Variants in GBE1 observed in about 807,000 individuals in gnomAD.
GBE1 encodes 1,4-alpha-glucan-branching enzyme.
Under a neutral mutation model 88.8 loss-of-function variants are expected in GBE1, and 70 were observed. That is an observed-to-expected ratio of 0.79 (90% CI 0.65 to 0.96). The LOEUF is 0.96. GBE1 is among the 40% of genes least tolerant of loss of function. The pLI is 0.00. For synonymous variants in GBE1, 284 were observed against 300.1 expected, an observed-to-expected ratio of 0.95 and a Z score of 0.56; for missense variants, 872 against 871.0, an observed-to-expected ratio of 1.00 and a Z score of -0.01.
At chr3:81,657,295 A>G (rs1704955651) in intron 3 of GBE1, among the ~76,000 whole-genome samples, 1 of 152,170 alleles carries the variant, frequency 6.6e-6, no homozygotes, top group South Asian at 2.1e-4. Context: ...GGAAAAGCAA[A>G]GGGAATATTT....
chr3:81,635,187 C>G (rs1049531047), intron 7 of GBE1, among the ~76,000 whole-genome samples: 1 of 152,124 alleles, frequency 6.6e-6, no homozygotes, highest in Admixed American at 6.5e-5. Flanking sequence ...CTTGGGGAGA[C>G]AGTTAAACCT....
chr3:81,676,226 G>A (rs549645755), intron 2 of GBE1, among the ~76,000 whole-genome samples: 72 of 152,182 alleles, frequency 4.7e-4, no homozygotes, highest in Non-Finnish European at 6.5e-4. Context: ...TATGTGGGGA[G>A]TAGGCACGCC....
chr3:81,654,920 C>T lies in GBE1; in HGVS notation c.430-4999G>A, dbSNP rs1436279211. The T allele has an allele frequency of 2.6e-5, 4 of 151,922 alleles. No homozygotes were observed. The East Asian group carries it at 5.8e-4, about 22-fold the overall frequency. 9.4% of individuals were successfully genotyped at this position (151,922 alleles called of 1,614,324 possible). ...ACAACATGTATATTTTTTGTTTCTACCAATCAGATGAGATGATGGCCACAG... is the reference window on the plus strand; with the variant it reads ...ACAACATGTATATTTTTTGTTTCTATCAATCAGATGAGATGATGGCCACAG... On this transcript the variant is annotated intron_variant, in intron 3 of 15. Coordinates refer to ENST00000429644, the MANE Select transcript of GBE1 (RefSeq NM_000158.4).
At chr3:81,760,471 A>G (rs1706663907) in intron 1 of GBE1, among the ~76,000 whole-genome samples, 1 of 152,212 alleles carries the variant, frequency 6.6e-6, no homozygotes, top group African/African-American at 2.4e-5. Flanking sequence ...TGTTGCCAGG[A>G]TAGTTTCCAT....
At chr3:81,493,042 T>C (rs1702457553) in intron 15 of GBE1, among the ~76,000 whole-genome samples, 2 of 152,288 alleles carry the variant, frequency 1.3e-5, no homozygotes, top group East Asian at 3.9e-4. Flanking sequence ...AGTCATAGTC[T>C]ACATATTTCA....
chr3:81,731,840 C>G (rs568611725), intron 1 of GBE1, among the ~76,000 whole-genome samples: 79 of 152,164 alleles, frequency 5.2e-4, no homozygotes, highest in African/African-American at 1.8e-3. Flanking sequence ...AACCATGAGC[C>G]AATTAAACTT....
chr3:81,612,579 T>C, intron 7 of GBE1: 3 of 685,484 alleles, frequency 4.4e-6, no homozygotes, highest in South Asian at 1.4e-5. Flanking sequence ...ACCCCCAAAT[T>C]TGGGATGTTG....
intron 7 of GBE1, among the ~76,000 whole-genome samples, chr3:81,602,557 G>C (rs543638785): frequency 6.6e-6 from 1 of 152,192 alleles, no homozygotes; most frequent in South Asian, 2.1e-4. Flanking sequence ...TCACATGGTA[G>C]AAAGAGTGTG....
chr3:81,759,689 A>G (rs1706652908), intron 1 of GBE1, among the ~76,000 whole-genome samples: 1 of 152,204 alleles, frequency 6.6e-6, no homozygotes, highest in South Asian at 2.1e-4. Flanking sequence ...CACCAAGCAC[A>G]CTGGATTCTC....
chr3:81,524,609 C>T (rs1702919920), intron 14 of GBE1, among the ~76,000 whole-genome samples: 1 of 151,796 alleles, frequency 6.6e-6, no homozygotes, highest in Non-Finnish European at 1.5e-5. Context: ...AGGGATCTAG[C>T]TTCATTTTTC....
intron 1 of GBE1, among the ~76,000 whole-genome samples, chr3:81,755,469 G>T (rs1706589592): frequency 1.3e-5 from 2 of 151,782 alleles, no homozygotes; most frequent in African/African-American, 4.8e-5. Flanking sequence ...GCTACTACTG[G>T]GTATATATCC....
intron 7 of GBE1, among the ~76,000 whole-genome samples, chr3:81,617,972 T>A (rs1704273507): frequency 6.6e-6 from 1 of 152,064 alleles, no homozygotes; most frequent in African/African-American, 2.4e-5. Context: ...ATCCATTTCA[T>A]CTAAATTACC....
In GBE1 at chr3:81,682,816, T is replaced by C. The variant is rs146113182; in HGVS notation, c.314-11863A>G. ...TTGAACATAAATGTTCATAGTAGAA[T>C]TACTCATAATAGTCAAAATGTGAAA... On this transcript the variant is annotated intron_variant, in intron 2 of 15. Coordinates refer to ENST00000429644, the MANE Select transcript of GBE1 (RefSeq NM_000158.4). Among the ~76,000 whole-genome samples, 68 of 152,306 alleles carry C rather than the reference T, an allele frequency of 4.5e-4. 1 individual carries two copies. The East Asian group carries it at 0.012, about 26-fold the overall frequency.
intron 3 of GBE1, among the ~76,000 whole-genome samples, chr3:81,664,717 G>T (rs1705086822): frequency 6.6e-6 from 1 of 152,102 alleles, no homozygotes; most frequent in Admixed American, 6.5e-5. Flanking sequence ...ACAGATATTT[G>T]CAAAAATCAC....
At chr3:81,693,228 A>G (rs1268061711) in intron 2 of GBE1, among the ~76,000 whole-genome samples, 2 of 152,150 alleles carry the variant, frequency 1.3e-5, no homozygotes, top group Non-Finnish European at 2.9e-5. Context: ...CACATAAAAT[A>G]TTACCAAAAA....
chr3:81,743,502 C>T lies in GBE1; in HGVS notation c.143+17873G>A, dbSNP rs560283346. The T allele has an allele frequency of 4.3e-5, 50 of 1,151,496 alleles. 2 individuals carry two copies. The highest frequency in any genetic ancestry group is 2.6e-4 in the African/African-American group (17 of 65,258). 71.3% of individuals were successfully genotyped at this position (1,151,496 alleles called of 1,614,324 possible). ...AACAGAGAATCAATCTTTCCAACCCCCCTCTCTTACAGGCAAAGACCAACT... is the reference window on the plus strand; with the variant it reads ...AACAGAGAATCAATCTTTCCAACCCTCCTCTCTTACAGGCAAAGACCAACT... On this transcript the variant is annotated intron_variant, in intron 1 of 15. Coordinates refer to ENST00000429644, the MANE Select transcript of GBE1 (RefSeq NM_000158.4).
At chr3:81,603,756 A>G (rs976295514) in intron 7 of GBE1, among the ~76,000 whole-genome samples, 2 of 152,150 alleles carry the variant, frequency 1.3e-5, no homozygotes, top group Non-Finnish European at 2.9e-5. Context: ...TCGGCCTCCC[A>G]AAGTGCTGGG....
rs71108342 is a variant in GBE1, at chr3:81,750,539, G to GTATATATATATATATGTA, written c.143+10835_143+10836insTACATATATATATATATA. ...TCAAAACATTCATATATATATATAC[G>GTATATATATATATATGTA]TATATATATATGTATATATATATGT... On this transcript the variant is annotated intron_variant, in intron 1 of 15. Coordinates refer to ENST00000429644, the MANE Select transcript of GBE1 (RefSeq NM_000158.4). 3.5e-4 allele frequency among the ~76,000 whole-genome samples: 23 copies of GTATATATATATATATGTA among 66,398 alleles called. 1 individual carries two copies. The highest frequency in any genetic ancestry group is 2.1e-3 in the African/African-American group (22 of 10,308). The allele number at this position is 66,398 out of a possible 152,430, so 43.6% of individuals were successfully genotyped here.
At chr3:81,625,846 T>C (rs557171728) in intron 7 of GBE1, among the ~76,000 whole-genome samples, 3 of 151,844 alleles carry the variant, frequency 2.0e-5, no homozygotes, top group Non-Finnish European at 4.4e-5. Context: ...AAAGGAAAGG[T>C]AATGAGAAAG....
Sources: allele counts gnomAD v4.1 joint callset (sites outside exome capture counted in the v4.1 genomes callset), GRCh38; gene constraint gnomAD v4.1.1; transcripts MANE v1.5; gene names NCBI Gene and HGNC (gene_info 2026-07-23, HGNC 2026-07-21).